The following SULF1 variants were observed in gnomAD, a reference collection of about 807,000 sequenced individuals.
SULF1 encodes the protein extracellular sulfatase Sulf-1.
SULF1 carries 46 observed loss-of-function variants against 110.5 expected under a neutral mutation model. The ratio of observed to expected loss-of-function variants is 0.42; its 90% CI spans 0.33 to 0.53. SULF1 has a LOEUF of 0.53. SULF1 is among the 20% of genes least tolerant of loss of function. The probability of loss-of-function intolerance (pLI) is 0.12; values close to 1 mark genes in which losing one functional copy is unlikely to be tolerated. For synonymous variants in SULF1, 371 were observed against 387.1 expected, an observed-to-expected ratio of 0.96 and a Z score of 0.49; for missense variants, 941 against 1,094.2, an observed-to-expected ratio of 0.86 and a Z score of 1.98.
In SULF1 at chr8:69,552,252, CT is replaced by C. The variant is rs565194421; in HGVS notation, c.-133-11283del. ...AGGGTTGTCCTTCTCTTGCGTAGCT[CT>C]TTTAAAGTGTCCAGTATTCTGAAGT... On this transcript the variant is annotated intron_variant, in intron 3 of 22. Transcript: ENST00000402687. Among the ~76,000 whole-genome samples, 14 of 152,266 alleles carry C rather than the reference CT, an allele frequency of 9.2e-5. No individual in the cohort carries two copies. The East Asian group carries it at 2.7e-3, about 29-fold the overall frequency.
chr8:69,643,802 C>T (rs1811669041), intron 22 of SULF1, among the ~76,000 whole-genome samples: 1 of 152,226 alleles, frequency 6.6e-6, no homozygotes, highest in Non-Finnish European at 1.5e-5. Context: ...GAGAGCACAG[C>T]TCAGAAGGTG....
intron 1 of SULF1, among the ~76,000 whole-genome samples, chr8:69,468,154 T>G (rs1193939963): frequency 6.6e-6 from 1 of 152,222 alleles, no homozygotes; most frequent in African/African-American, 2.4e-5. Flanking sequence ...TATGCAGAGC[T>G]TCTGGCTCCT....
chr8:69,609,842 C>T (rs772567271), intron 13 of SULF1, among the ~76,000 whole-genome samples: 1 of 152,102 alleles, frequency 6.6e-6, no homozygotes, highest in Non-Finnish European at 1.5e-5. Flanking sequence ...GGTATGAGAC[C>T]CAGGTACCAG....
At chr8:69,605,982 A>G (rs1808193273) in intron 13 of SULF1, among the ~76,000 whole-genome samples, 1 of 152,214 alleles carries the variant, frequency 6.6e-6, no homozygotes, top group South Asian at 2.1e-4. Context: ...AGAGAAGTTC[A>G]AATCTGTGAG....
chr8:69,493,815 T>C (rs1810125214), intron 1 of SULF1, among the ~76,000 whole-genome samples: 2 of 152,246 alleles, frequency 1.3e-5, no homozygotes, highest in African/African-American at 4.8e-5. Context: ...CTCAAAGCCC[T>C]GTTATCAAAC....
At chr8:69,626,506 C>T (rs796310363) in intron 15 of SULF1, among the ~76,000 whole-genome samples, 2 of 152,212 alleles carry the variant, frequency 1.3e-5, no homozygotes, top group Admixed American at 6.5e-5. Flanking sequence ...CTTGGGTGGT[C>T]GATGGGACTG....
chr8:69,525,377 T>A (rs1368091550), intron 3 of SULF1, among the ~76,000 whole-genome samples: 1 of 152,148 alleles, frequency 6.6e-6, no homozygotes, highest in Non-Finnish European at 1.5e-5. Context: ...CAGGTAGAAT[T>A]TCCCTGGAGT....
In SULF1 at chr8:69,602,490, T is replaced by C. The variant is rs559046764; in HGVS notation, c.1061+661T>C. ...TGGAAGTAGAATCCAGAAGCTGGAATGGCCCTTGAAAAGCATCTAGCCTGG... is the reference window on the plus strand; with the variant it reads ...TGGAAGTAGAATCCAGAAGCTGGAACGGCCCTTGAAAAGCATCTAGCCTGG... On this transcript the variant is annotated intron_variant, in intron 10 of 22. Coordinates refer to ENST00000402687, the MANE Select transcript of SULF1 (RefSeq NM_001128205.2). 1.1e-4 allele frequency among the ~76,000 whole-genome samples: 17 copies of C among 152,328 alleles called. No homozygotes were observed. In the East Asian group the frequency reaches 2.5e-3, roughly 23 times the overall value.
At chr8:69,520,538 G>A (rs1391424248) in intron 3 of SULF1, among the ~76,000 whole-genome samples, 1 of 152,162 alleles carries the variant, frequency 6.6e-6, no homozygotes, top group Non-Finnish European at 1.5e-5. Context: ...ATTTTTCAAA[G>A]TAATGTTTGT....
intron 3 of SULF1, among the ~76,000 whole-genome samples, chr8:69,553,077 G>A (rs991915539): frequency 3.3e-5 from 5 of 152,176 alleles, no homozygotes; most frequent in African/African-American, 1.2e-4. Context: ...ATTCCACAAG[G>A]TGTTTTCCAG....
At chr8:69,641,603 A>G (rs1025799164) in intron 22 of SULF1, among the ~76,000 whole-genome samples, 2 of 151,954 alleles carry the variant, frequency 1.3e-5, no homozygotes, top group Non-Finnish European at 2.9e-5. Flanking sequence ...AGGTGTGGTG[A>G]TGCACACCTG....
intron 22 of SULF1, among the ~76,000 whole-genome samples, chr8:69,643,624 G>C (rs942546984): frequency 6.6e-6 from 1 of 151,984 alleles, no homozygotes. Flanking sequence ...TTATTTAGAG[G>C]GTTTTCATAA....
At chr8:69,496,126 T>C (rs1157397326) in intron 2 of SULF1, among the ~76,000 whole-genome samples, 200 bp downstream of exon 2, 1 of 152,268 alleles carries the variant, frequency 6.6e-6, no homozygotes, top group Non-Finnish European at 1.5e-5. Context: ...AAAGCCTCTA[T>C]CGGATTTCCT....
intron 3 of SULF1, among the ~76,000 whole-genome samples, chr8:69,502,527 A>C (rs779003791): frequency 2.0e-5 from 3 of 152,126 alleles, no homozygotes; most frequent in African/African-American, 7.2e-5. Flanking sequence ...ATGAGGGTAC[A>C]ACCTCATGAG....
chr8:69,590,561 G>C lies in SULF1; in HGVS notation c.734+1420G>C, dbSNP rs115072316. ...CATCTCTATGATATCATGTGACTTA[G>C]ACCAGAAAGAAGGAGGCCAGAGCTG... On this transcript the variant is annotated intron_variant, in intron 8 of 22. Coordinates refer to ENST00000402687, the MANE Select transcript of SULF1 (RefSeq NM_001128205.2). 3.2e-3 allele frequency among the ~76,000 whole-genome samples: 488 copies of C among 152,308 alleles called. 2 individuals carry two copies. The highest frequency in any genetic ancestry group is 0.011 in the African/African-American group (454 of 41,548).
rs1806683522 is a variant in SULF1, at chr8:69,589,132, C to T, written c.725C>T (p.Ser242Phe). ...TTTTCTAAACTGTACCCCAATGCTT[C>T]CCAACACATGTAAGTAACAAACTCA... ...PQFSKLYPNA[S>F]QHITPSYNYA... Residue 242 changes from serine (S) to phenylalanine (F), a missense_variant, in exon 8 of 23, where the codon TCC becomes TTC. Around this residue, in one of 3 missense-constraint regions of SULF1, gnomAD observed 822 missense variants for 934.3 expected, o/e 0.88. Transcript: ENST00000402687. The T allele has an allele frequency of 1.4e-5, 23 of 1,613,432 alleles. No homozygotes were observed. Among genetic ancestry groups the T allele is most frequent in the Non-Finnish European group, 1.5e-5 (18 of 1,179,678 alleles).
At chr8:69,564,325 CT>C (rs1174460311) in intron 5 of SULF1, among the ~76,000 whole-genome samples, 178 bp downstream of exon 5, 1 of 152,162 alleles carries the variant, frequency 6.6e-6, no homozygotes, top group East Asian at 1.9e-4. Context: ...TTCAGCATTA[CT>C]TTTCTGATGT....
chr8:69,467,094 G>C (rs1366546948), intron 1 of SULF1: 5 of 152,146 alleles, frequency 3.3e-5, no homozygotes, highest in African/African-American at 1.2e-4. Context: ...ATGACGGTGA[G>C]CATAGCTTGA....
At chr8:69,565,078 T>G (rs556953005) in intron 5 of SULF1, among the ~76,000 whole-genome samples, 2 of 152,290 alleles carry the variant, frequency 1.3e-5, no homozygotes, top group South Asian at 4.2e-4. Context: ...GCACTTGGTC[T>G]CCATGGAAGG....
Sources: gnomAD v4.1 joint callset for allele counts (sites outside exome capture counted in the v4.1 genomes callset) on GRCh38, gnomAD v4.1.1 for gene constraint, gnomAD v4.1.1 regional missense constraint, MANE v1.5 for transcripts, NCBI Gene and HGNC (gene_info 2026-07-23, HGNC 2026-07-21) for gene names.